Variants in SLC22A14 observed in about 807,000 individuals in gnomAD.
SLC22A14 encodes organic cation transporter-like 4.
In SLC22A14, 50 loss-of-function variants were observed where a neutral mutation model predicts 53.9. The observed-to-expected ratio is 0.93, with a 90% CI of 0.74 to 1.17. The LOEUF (loss-of-function observed/expected upper bound fraction) is 1.17. Ranked by LOEUF, SLC22A14 falls within the 50% of genes most tolerant of loss-of-function variation. The probability of loss-of-function intolerance (pLI) is 0.00; values close to 1 mark genes in which losing one functional copy is unlikely to be tolerated. For synonymous variants in SLC22A14, 312 were observed against 303.0 expected (o/e 1.03, Z -0.31); for missense variants, 671 against 734.7 (o/e 0.91, Z 1.00).
intron 4 of SLC22A14, among the ~76,000 whole-genome samples, chr3:38,308,608 G>A (rs546354595): frequency 3.9e-5 from 6 of 152,364 alleles, no homozygotes; most frequent in South Asian, 2.1e-4. Context: ...GCAAAAACAA[G>A]GACAATGATT....
chr3:38,314,819 G>T (rs796702773), intron 8 of SLC22A14, among the ~76,000 whole-genome samples: 3 of 152,092 alleles, frequency 2.0e-5, no homozygotes, highest in Middle Eastern at 3.2e-3. Context: ...AAAAAAGCAG[G>T]TCTACACTGA....
upstream of SLC22A14, among the ~76,000 whole-genome samples, chr3:38,279,544 G>A (rs888507661): frequency 6.6e-6 from 1 of 152,154 alleles, no homozygotes; most frequent in African/African-American, 2.4e-5. Context: ...GCCTCCCAAA[G>A]TATTGGGATT....
chr3:38,290,233 T>C (rs9838387), intron 1 of SLC22A14, among the ~76,000 whole-genome samples: 11,213 of 152,214 alleles, frequency 0.074, 490 homozygotes, highest in East Asian at 0.16. Flanking sequence ...GGCCAATGAC[T>C]GCTCTAACTG....
intron 1 of SLC22A14, among the ~76,000 whole-genome samples, chr3:38,283,220 G>A (rs1703711302): frequency 6.6e-6 from 1 of 152,096 alleles, no homozygotes; most frequent in African/African-American, 2.4e-5. Flanking sequence ...GACAATCCAG[G>A]ATAATCTATT....
upstream of SLC22A14, among the ~76,000 whole-genome samples, chr3:38,282,036 G>A (rs181501183): frequency 1.9e-3 from 286 of 152,354 alleles, 1 homozygote; most frequent in Non-Finnish European, 2.5e-3. Flanking sequence ...AGGCTTGAAG[G>A]ATAGTTGATA....
chr3:38,312,751 G>T (rs182728110), intron 5 of SLC22A14, among the ~76,000 whole-genome samples: 5 of 152,354 alleles, frequency 3.3e-5, no homozygotes, highest in African/African-American at 7.2e-5. Flanking sequence ...GGAGACTGGA[G>T]ACAGAGGCAG....
chr3:38,309,113 C>G lies in SLC22A14; in HGVS notation c.935C>G (p.Ser312Cys). Residue 312 changes from serine (S) to cysteine (C), a missense_variant, in exon 5 of 11, where the codon TCC (serine) becomes TGC (cysteine). Coordinates refer to ENST00000448498, the MANE Select transcript of SLC22A14 (RefSeq NM_001320033.2). The stretch of plus-strand genomic sequence containing the variant: ...GGGATACTTGTGATCCCCTTCATCT[C>G]CTATATCTGGTGAGCAAGCGAGTAC... ...VGGILVIPFI[S>C]YIWILPESPR... 6.2e-7 allele frequency: 1 copy of G among 1,613,944 alleles called. No individual in the cohort carries two copies. The highest frequency in any genetic ancestry group is 1.3e-5 in the African/African-American group (1 of 75,030).
chr3:38,308,019 C>T, intron 4 of SLC22A14: 1 of 454,066 alleles, frequency 2.2e-6, no homozygotes, highest in East Asian at 4.3e-5. Flanking sequence ...CATCCTCCTT[C>T]CTAACTCCCT....
At chr3:38,294,507 C>T (rs988104263) in intron 1 of SLC22A14, among the ~76,000 whole-genome samples, 3 of 152,058 alleles carry the variant, frequency 2.0e-5, no homozygotes, top group African/African-American at 7.2e-5. Context: ...CCCAATTCTC[C>T]AGAATACATC....
chr3:38,282,751 G>C (rs566816253), intron 1 of SLC22A14, among the ~76,000 whole-genome samples: 1 of 152,268 alleles, frequency 6.6e-6, no homozygotes, highest in East Asian at 1.9e-4. Flanking sequence ...GGTCCCTGCA[G>C]AGGGAGGCTG....
At chr3:38,283,665 A>G (rs1282113082) in intron 1 of SLC22A14, among the ~76,000 whole-genome samples, 3 of 152,156 alleles carry the variant, frequency 2.0e-5, no homozygotes, top group African/African-American at 7.2e-5. Flanking sequence ...CCCCATCTCT[A>G]CTAAAAATAC....
chr3:38,286,421 C>CTTTTT (rs781513917), intron 1 of SLC22A14, among the ~76,000 whole-genome samples: 5 of 141,680 alleles, frequency 3.5e-5, no homozygotes, highest in East Asian at 2.1e-4. Context: ...CTTTTCTTTT[C>CTTTTT]TTTTTTTTTT....
intron 1 of SLC22A14, chr3:38,305,159 A>G (rs1704267178): frequency 1.3e-5 from 2 of 152,356 alleles, no homozygotes; most frequent in South Asian, 4.1e-4. Context: ...AGTTCATACA[A>G]TAGCTGTTCT....
chr3:38,301,747 A>ATT (rs34126295), intron 1 of SLC22A14, among the ~76,000 whole-genome samples: 33 of 143,458 alleles, frequency 2.3e-4, no homozygotes, highest in Non-Finnish European at 3.8e-4. Flanking sequence ...CCTTTTTAGG[A>ATT]TTTTTTTTTT....
intron 1 of SLC22A14, among the ~76,000 whole-genome samples, chr3:38,302,482 C>T (rs1221882039): frequency 6.6e-6 from 1 of 151,690 alleles, no homozygotes; most frequent in East Asian, 1.9e-4. Flanking sequence ...CACAACAAGA[C>T]CTCGTCTCTA....
intron 1 of SLC22A14, among the ~76,000 whole-genome samples, chr3:38,284,953 A>G (rs1355985639): frequency 6.6e-6 from 1 of 152,172 alleles, no homozygotes. Context: ...AGCCATATAA[A>G]CAATCCTACT....
At chr3:38,279,130 G>A (rs1703620235), upstream of SLC22A14, among the ~76,000 whole-genome samples, 1 of 152,204 alleles carries the variant, frequency 6.6e-6, no homozygotes, top group African/African-American at 2.4e-5. Context: ...GCATGGAAGT[G>A]TTCAGCACCT....
At position 38,306,196 on chromosome 3, in the gene SLC22A14, A is replaced by C; in HGVS notation, c.170A>C (p.Asp57Ala). 1 of 1,614,184 alleles carries C rather than the reference A, an allele frequency of 6.2e-7. No homozygotes were observed. Among genetic ancestry groups the C allele is most frequent in the Non-Finnish European group, 8.5e-7 (1 of 1,180,034 alleles). ...GATGACAAGTTTGCCAACCTCCTGGATGCGGTGGGGGAGTTTGGCACATTC... is the reference window on the plus strand; with the variant it reads ...GATGACAAGTTTGCCAACCTCCTGGCTGCGGTGGGGGAGTTTGGCACATTC... ...KQDDKFANLL[D>A]AVGEFGTFQQ... Residue 57 changes from aspartate to alanine, a missense_variant, in exon 2 of 11, where the codon GAT becomes GCT. Physicochemically the swap from Asp to Ala is moderately radical, Grantham distance 126. Transcript: ENST00000448498.
At chr3:38,288,755 C>T (rs1703844348) in intron 1 of SLC22A14, among the ~76,000 whole-genome samples, 1 of 151,980 alleles carries the variant, frequency 6.6e-6, no homozygotes, top group African/African-American at 2.4e-5. Flanking sequence ...TAATAATAGT[C>T]ATCCTAATGG....
Sources: gnomAD v4.1 joint callset for allele counts (sites outside exome capture counted in the v4.1 genomes callset) on GRCh38, gnomAD v4.1.1 for gene constraint, MANE v1.5 for transcripts, NCBI Gene and HGNC (gene_info 2026-07-23, HGNC 2026-07-21) for gene names.